Variants in KLF12 observed in about 807,000 individuals in gnomAD.
The protein encoded by KLF12 is Krueppel-like factor 12.
In KLF12, 9 loss-of-function variants were observed where a neutral mutation model predicts 37.8. That is an observed-to-expected ratio of 0.24 (90% CI 0.14 to 0.42). The LOEUF (loss-of-function observed/expected upper bound fraction) is 0.42. KLF12 is among the 10% of genes least tolerant of loss of function. The pLI is 1.00. For missense variants in KLF12, 411 were observed against 516.0 expected (o/e 0.80, Z 1.97); for synonymous variants, 208 against 202.1 (o/e 1.03, Z -0.25).
At chr13:73,861,222 C>T (rs558546929) in intron 3 of KLF12, among the ~76,000 whole-genome samples, 6 of 152,080 alleles carry the variant, frequency 3.9e-5, no homozygotes, top group Non-Finnish European at 8.8e-5. Flanking sequence ...TAACTAGATA[C>T]AATGATAAAT....
chr13:73,838,308 C>T (rs1884550644), intron 4 of KLF12, among the ~76,000 whole-genome samples: 1 of 152,152 alleles, frequency 6.6e-6, no homozygotes, highest in Admixed American at 6.5e-5. Context: ...GGGTGTATTT[C>T]AAATTAGTCT....
At chr13:74,104,111 T>A (rs1876517848) in intron 1 of KLF12, among the ~76,000 whole-genome samples, 1 of 152,204 alleles carries the variant, frequency 6.6e-6, no homozygotes, top group Non-Finnish European at 1.5e-5. Flanking sequence ...GAGAAGCATG[T>A]ACAGATTAGG....
intron 5 of KLF12, among the ~76,000 whole-genome samples, chr13:73,780,569 G>A (rs535649967): frequency 1.5e-4 from 22 of 151,278 alleles, no homozygotes; most frequent in Middle Eastern, 3.4e-3. Flanking sequence ...AACCTCCGCC[G>A]CCCAAGTTCA....
chr13:73,917,951 G>T (rs1464235402), intron 3 of KLF12, among the ~76,000 whole-genome samples: 1 of 151,822 alleles, frequency 6.6e-6, no homozygotes, highest in Non-Finnish European at 1.5e-5. Flanking sequence ...AAAAATTCCT[G>T]ACCTTTAGGT....
chr13:74,038,118 T>C (rs1403847209), intron 1 of KLF12, among the ~76,000 whole-genome samples: 3 of 152,164 alleles, frequency 2.0e-5, no homozygotes, highest in Non-Finnish European at 2.9e-5. Flanking sequence ...CTGAAGAAGA[T>C]CTGTGGATTA....
chr13:73,823,138 G>T (rs1397897460), intron 4 of KLF12, among the ~76,000 whole-genome samples: 1 of 152,034 alleles, frequency 6.6e-6, no homozygotes, highest in African/African-American at 2.4e-5. Flanking sequence ...TTGGTCTGTT[G>T]CCCCTATCTG....
chr13:74,255,749 G>A, the KLF12 span, among the ~76,000 whole-genome samples: 21 of 152,158 alleles, frequency 1.4e-4, no homozygotes, highest in Non-Finnish European at 2.4e-4. Context: ...GACTGCTGCT[G>A]CTTACTGAGG....
chr13:74,201,335 G>T, the KLF12 span, among the ~76,000 whole-genome samples: 1 of 152,116 alleles, frequency 6.6e-6, no homozygotes, highest in East Asian at 1.9e-4. Flanking sequence ...GTAATGTAAG[G>T]TACCGTAAAG....
At chr13:73,906,620 T>C (rs1473522732) in intron 3 of KLF12, among the ~76,000 whole-genome samples, 2 of 152,252 alleles carry the variant, frequency 1.3e-5, no homozygotes, top group Non-Finnish European at 2.9e-5. Context: ...CTATCTTCTA[T>C]GTTTAATAAC....
At chr13:74,084,579 T>TG (rs1875142940) in intron 1 of KLF12, among the ~76,000 whole-genome samples, 1 of 152,228 alleles carries the variant, frequency 6.6e-6, no homozygotes, top group Non-Finnish European at 1.5e-5. Context: ...CACTGGCTTC[T>TG]GCATGATTTT....
chr13:74,138,484 G>A (rs2139055555), upstream of KLF12, among the ~76,000 whole-genome samples: 1 of 152,266 alleles, frequency 6.6e-6, no homozygotes, highest in Non-Finnish European at 1.5e-5. Context: ...TCCTATAACT[G>A]CAAACAGCTG....
chr13:74,152,149 G>A, the KLF12 span, among the ~76,000 whole-genome samples: 1 of 152,164 alleles, frequency 6.6e-6, no homozygotes, highest in East Asian at 1.9e-4. Context: ...GATGAAAATA[G>A]CCTGAGAGAC....
At chr13:74,175,220 A>G in the KLF12 span, among the ~76,000 whole-genome samples, 1 of 152,198 alleles carries the variant, frequency 6.6e-6, no homozygotes, top group African/African-American at 2.4e-5. Context: ...TGAACATACT[A>G]CTGACCCCCA....
intron 6 of KLF12, among the ~76,000 whole-genome samples, chr13:73,721,347 A>G (rs1225995544): frequency 6.6e-6 from 1 of 152,226 alleles, no homozygotes; most frequent in Non-Finnish European, 1.5e-5. Context: ...GCAACAAAAT[A>G]TCTATAGCAT....
At position 73,906,793 on chromosome 13, in the gene KLF12, C is replaced by A. The variant is rs536400479; in HGVS notation, c.123+37188G>T. Among the ~76,000 whole-genome samples, 8 of 152,206 alleles carry A rather than the reference C, an allele frequency of 5.3e-5. No homozygotes were observed. The East Asian group carries it at 1.4e-3, about 26-fold the overall frequency. On this transcript the variant is annotated intron_variant, in intron 3 of 7. Coordinates refer to ENST00000377669, the MANE Select transcript of KLF12 (RefSeq NM_007249.5). ...TGGAAACATACAATATGGATTCTAGCGAGGGGATTTCTGTCTGCTTCTTCT... is the reference window on the plus strand; with the variant it reads ...TGGAAACATACAATATGGATTCTAGAGAGGGGATTTCTGTCTGCTTCTTCT...
chr13:73,870,165 A>G (rs907320836), intron 3 of KLF12, among the ~76,000 whole-genome samples: 2 of 152,180 alleles, frequency 1.3e-5, no homozygotes, highest in African/African-American at 4.8e-5. Flanking sequence ...CCAGGTTGCC[A>G]TCACTGTGAC....
intron 3 of KLF12, among the ~76,000 whole-genome samples, chr13:73,892,378 A>G (rs9565059): frequency 0.22 from 32,693 of 152,050 alleles, 4,319 homozygotes; most frequent in East Asian, 0.56. Flanking sequence ...ACTGACGTTG[A>G]AAAGAACTTT....
intron 5 of KLF12, among the ~76,000 whole-genome samples, chr13:73,780,892 G>T (rs1880923786): frequency 6.6e-6 from 1 of 152,250 alleles, no homozygotes. Context: ...GGATAAAGCT[G>T]TATCAGAGGA....
intron 4 of KLF12, among the ~76,000 whole-genome samples, chr13:73,831,304 G>A (rs920339047): frequency 6.6e-6 from 1 of 152,124 alleles, no homozygotes; most frequent in Non-Finnish European, 1.5e-5. Context: ...AGTGATATGA[G>A]TCTTAGTTTT....
Sources: gnomAD v4.1 joint callset for allele counts (sites outside exome capture counted in the v4.1 genomes callset) on GRCh38, gnomAD v4.1.1 for gene constraint, MANE v1.5 for transcripts, NCBI Gene and HGNC (gene_info 2026-07-23, HGNC 2026-07-21) for gene names.